NDC1: variants seen among roughly 807,000 people sequenced by gnomAD.
NDC1 encodes nucleoporin NDC1.
In NDC1, 24 loss-of-function variants were observed where a neutral mutation model predicts 89.8. That is an observed-to-expected ratio of 0.27 (90% CI 0.19 to 0.38). NDC1 has a LOEUF of 0.38. Ranked by LOEUF, NDC1 falls within the 10% of genes least tolerant of loss-of-function variation. The pLI is 1.00. For missense variants in NDC1, 728 were observed against 797.6 expected (o/e 0.91, Z 1.05); for synonymous variants, 296 against 284.8 (o/e 1.04, Z -0.39).
intron 17 of NDC1, among the ~76,000 whole-genome samples, chr1:53,768,907 C>A (rs17536223): frequency 0.12 from 17,804 of 152,202 alleles, 1,171 homozygotes; most frequent in Non-Finnish European, 0.15. Flanking sequence ...CTCTCCAACA[C>A]CAAATCTGTG....
intron 5 of NDC1, among the ~76,000 whole-genome samples, chr1:53,819,891 AAAG>A (rs759705034): frequency 2.6e-4 from 40 of 152,272 alleles, no homozygotes; most frequent in Non-Finnish European, 3.7e-4. Flanking sequence ...GGCCACACTG[AAAG>A]AAGAATTGTC....
chr1:53,815,156 A>G (rs1356174351), intron 6 of NDC1, among the ~76,000 whole-genome samples: 1 of 152,182 alleles, frequency 6.6e-6, no homozygotes, highest in East Asian at 1.9e-4. Flanking sequence ...CAAAAAAGAA[A>G]AACTACAGAC....
At chr1:53,797,176 C>T (rs1231886321) in intron 11 of NDC1, 32 bp from the exon 12 acceptor site, 1 of 1,604,722 alleles carries the variant, frequency 6.2e-7, no homozygotes, top group Non-Finnish European at 8.5e-7. Context: ...GCTGAAGAGG[C>T]AACCTGATCC....
At chr1:53,825,690 G>T in intron 5 of NDC1, 108 bp downstream of exon 5, 1 of 904,296 alleles carries the variant, frequency 1.1e-6, no homozygotes, top group Non-Finnish European at 1.6e-6. Flanking sequence ...TCTAAGTGTT[G>T]GTTATCAAAT....
At chr1:53,791,349 GCGGAGCTTGCAGTGAGC>G (rs1647494685) in intron 14 of NDC1, among the ~76,000 whole-genome samples, 1 of 151,784 alleles carries the variant, frequency 6.6e-6, no homozygotes. Flanking sequence ...AACTTGGGAG[GCGGAGCTTGCAGTGAGC>G]CCGAGCTTGC....
rs1444424915 is a variant in NDC1 at position 53,828,109 on chromosome 1, G to A, written c.345C>T (p.Leu115=). The A allele has an allele frequency of 1.2e-6, 2 of 1,614,158 alleles. No individual in the cohort carries two copies. The highest frequency in any genetic ancestry group is 1.1e-5 in the South Asian group (1 of 91,084). ...TTGCAGCATGAATAAATGAGTGCAT[G>A]AGTTGCTGAGGATGAATGATCTTCC... The part of the protein sequence containing the change: ...LIGKIIHPQQ[L]MHSFIHAAMG... The change falls in exon 4 of 18, where the codon CTC becomes CTT. Residue 115 remains leucine (L), a synonymous_variant. Transcript: ENST00000371429.
rs184115457 is a variant in NDC1, at chr1:53,784,515, G to A, written c.1800+2643C>T. Among the ~76,000 whole-genome samples, 180 of 151,860 alleles carry A rather than the reference G, an allele frequency of 1.2e-3. 1 individual carries two copies. The highest frequency in any genetic ancestry group is 1.7e-3 in the African/African-American group (69 of 41,396). On this transcript the variant is annotated intron_variant, in intron 16 of 17. Coordinates refer to ENST00000371429, the MANE Select transcript of NDC1 (RefSeq NM_018087.5). ...CTACTAAAAATACACAAATCAGGCCGGGCGCAGTGGCTCACGCCTATAATC... is the reference window on the plus strand; with the variant it reads ...CTACTAAAAATACACAAATCAGGCCAGGCGCAGTGGCTCACGCCTATAATC...
intron 9 of NDC1, 49 bp from the exon 10 acceptor site, chr1:53,804,058 A>C: frequency 7.4e-7 from 1 of 1,346,008 alleles, no homozygotes; most frequent in South Asian, 1.2e-5. Context: ...TAACCTCTAC[A>C]TAAAATCTCA....
chr1:53,784,989 A>C (rs1253013206), intron 16 of NDC1, among the ~76,000 whole-genome samples: 1 of 150,710 alleles, frequency 6.6e-6, no homozygotes, highest in African/African-American at 2.4e-5. Context: ...AGGGATGTGG[A>C]TCTGTAGCTT....
Position 53,767,826 on chromosome 1 carries a change from A to G in NDC1, c.*144T>C. ...AGAATTTCTTTCCATGATTTCTCCC[A>G]TTAAAGTATAGTTTTCAAAGCAACC... On this transcript the variant is annotated 3_prime_UTR_variant, in exon 18 of 18. Coordinates refer to ENST00000371429, the MANE Select transcript of NDC1 (RefSeq NM_018087.5). The G allele has an allele frequency of 2.2e-6, 1 of 445,358 alleles. No individual in the cohort carries two copies. 27.6% of individuals were successfully genotyped at this position (445,358 alleles called of 1,614,324 possible).
rs138506126 is a variant in NDC1 at position 53,799,095 on chromosome 1, CT to C, written c.1222+1597del. On this transcript the variant is annotated intron_variant, in intron 11 of 17. Coordinates refer to ENST00000371429, the MANE Select transcript of NDC1 (RefSeq NM_018087.5). ...CCAACGCTAATTTGATGGAACTAGC[CT>C]ATTCAAAATTCTCCAATGGCTCCAT... 1.5e-3 allele frequency among the ~76,000 whole-genome samples: 235 copies of C among 152,280 alleles called. 1 individual carries two copies. Among genetic ancestry groups the C allele is most frequent in the African/African-American group, 5.4e-3 (225 of 41,558 alleles).
chr1:53,813,437 G>T (rs973559419), intron 6 of NDC1, among the ~76,000 whole-genome samples: 2 of 152,072 alleles, frequency 1.3e-5, no homozygotes, highest in African/African-American at 4.8e-5. Context: ...GTGGAAAAAG[G>T]CATTTCATGC....
intron 11 of NDC1, 69 bp downstream of exon 11, chr1:53,800,624 C>A: frequency 6.4e-7 from 1 of 1,560,530 alleles, no homozygotes; most frequent in South Asian, 1.1e-5. Flanking sequence ...AGCGCCCAGT[C>A]TACTACAGTC....
rs556212629 is a variant in NDC1 at position 53,795,544 on chromosome 1, T to C, written c.1584+1145A>G. Among the ~76,000 whole-genome samples, 345 of 152,280 alleles carry C rather than the reference T, an allele frequency of 2.3e-3. 1 individual carries two copies. Among genetic ancestry groups the C allele is most frequent in the Non-Finnish European group, 4.3e-3 (291 of 68,020 alleles). On this transcript the variant is annotated intron_variant, in intron 13 of 17. Transcript: ENST00000371429. ...ATTCCAACTCAATAAATTGCAACTA[T>C]ATTATTCCAGATCTTCAGGCCAAAA...
At chr1:53,798,737 T>A (rs1455265101) in intron 11 of NDC1, among the ~76,000 whole-genome samples, 1 of 152,068 alleles carries the variant, frequency 6.6e-6, no homozygotes, top group East Asian at 1.9e-4. Flanking sequence ...ATATTTTTAG[T>A]AAAGACGGCG....
chr1:53,766,379 AC>A lies in NDC1; in HGVS notation c.*1590del, dbSNP rs1449615071. 1 of 152,226 alleles carries A rather than the reference AC, an allele frequency of 6.6e-6. No individual in the cohort carries two copies. Among genetic ancestry groups the A allele is most frequent in the African/African-American group, 2.4e-5 (1 of 41,466 alleles). 9.4% of individuals were successfully genotyped at this position (152,226 alleles called of 1,614,324 possible). A position where few individuals can be genotyped will look rare whatever the true frequency, so the allele number is the denominator to read the frequency against. Reference sequence around the variant, plus strand: ...GCTTAATTGTGTTAATACATGGAAGACAACAGTTCTCAGTCAACCTAGCCAC... The same window carrying A: ...GCTTAATTGTGTTAATACATGGAAGAAACAGTTCTCAGTCAACCTAGCCAC... On this transcript the variant is annotated 3_prime_UTR_variant, in exon 18 of 18. Coordinates refer to ENST00000371429, the MANE Select transcript of NDC1 (RefSeq NM_018087.5).
intron 5 of NDC1, among the ~76,000 whole-genome samples, chr1:53,819,683 C>T (rs1355952102): frequency 6.6e-6 from 1 of 152,216 alleles, no homozygotes; most frequent in Non-Finnish European, 1.5e-5. Flanking sequence ...AAATGGGAGG[C>T]AGTGAAGAAG....
chr1:53,822,614 A>G (rs1648711013), intron 5 of NDC1, among the ~76,000 whole-genome samples: 1 of 151,860 alleles, frequency 6.6e-6, no homozygotes, highest in African/African-American at 2.4e-5. Context: ...TACCAGTGGG[A>G]CAAAGATTGA....
At chr1:53,826,410 C>T (rs911340985) in intron 4 of NDC1, among the ~76,000 whole-genome samples, 6 of 152,118 alleles carry the variant, frequency 3.9e-5, no homozygotes, top group Admixed American at 1.3e-4. Flanking sequence ...CATACATGTC[C>T]GATACCGATT....
Sources: allele counts gnomAD v4.1 joint callset (sites outside exome capture counted in the v4.1 genomes callset), GRCh38; gene constraint gnomAD v4.1.1; transcripts MANE v1.5; gene names NCBI Gene and HGNC (gene_info 2026-07-23, HGNC 2026-07-21).